INF2: variants seen among roughly 807,000 people sequenced by gnomAD.
INF2 encodes inverted formin 2.
A neutral mutation model predicts 123.5 loss-of-function variants in INF2; 43 were observed. The ratio of observed to expected loss-of-function variants is 0.35; its 90% CI spans 0.27 to 0.45. INF2 has a LOEUF of 0.45. INF2 is among the 20% of genes least tolerant of loss of function. The pLI is 1.00. For missense variants in INF2, 1,453 were observed against 1,682.7 expected (o/e 0.86, Z 2.39); for synonymous variants, 851 against 745.0 (o/e 1.14, Z -2.32).
At chr14:104,683,946 T>C (rs1027415988) in intron 1 of INF2, 6 of 430,206 alleles carry the variant, frequency 1.4e-5, no homozygotes, top group African/African-American at 8.1e-5. Context: ...CGGGTGGGTC[T>C]CAGGCACTTC....
intron 22 of INF2, among the ~76,000 whole-genome samples, chr14:104,717,304 C>CCG (rs1335068736): frequency 7.5e-6 from 1 of 133,692 alleles, no homozygotes; most frequent in East Asian, 2.1e-4. Flanking sequence ...GTCCCCCCCC[C>CCG]GGGCAGGGCG....
intron 12 of INF2, 110 bp downstream of exon 12, chr14:104,709,815 C>T (rs1889959738): frequency 4.1e-6 from 4 of 975,688 alleles, no homozygotes; most frequent in South Asian, 4.0e-5. Context: ...CAATGGCTGC[C>T]CCGGGCTCCA....
chr14:104,717,868 G>A (rs1890386268), intron 22 of INF2, among the ~76,000 whole-genome samples: 1 of 151,580 alleles, frequency 6.6e-6, no homozygotes, highest in South Asian at 2.1e-4. Flanking sequence ...CCCCTCGTCC[G>A]AGCGTTCCCC....
intron 5 of INF2, chr14:104,704,170 A>T: frequency 6.9e-7 from 1 of 1,439,482 alleles, no homozygotes; most frequent in Non-Finnish European, 9.1e-7. Context: ...GGGTTGCAGC[A>T]GCCATAGAAA....
chr14:104,700,950 G>A lies in INF2; in HGVS notation c.-9-407G>A, dbSNP rs527949531. 5.0e-5 allele frequency: 39 copies of A among 776,778 alleles called. 1 individual carries two copies. In the South Asian group the frequency reaches 2.1e-3, roughly 43 times the overall value. The allele number at this position is 776,778 out of a possible 1,614,324, so 48.1% of individuals were successfully genotyped here. On this transcript the variant is annotated intron_variant, in intron 1 of 22. Transcript: ENST00000392634. ...AAGGCAGCCTCAGATGCGCCGTTTT[G>A]TCGCATCATTACCGTGGGTAATGTT... is the stretch of plus-strand genomic sequence containing the variant.
chr14:104,716,706 T>C (rs1566787701), intron 22 of INF2, among the ~76,000 whole-genome samples: 1 of 152,206 alleles, frequency 6.6e-6, no homozygotes, highest in African/African-American at 2.4e-5. Context: ...TTTATTTTTT[T>C]TCAAGACGGA....
chr14:104,710,278 TATC>T (rs763272657), intron 13 of INF2, 90 bp downstream of exon 13: 2 of 889,430 alleles, frequency 2.2e-6, no homozygotes, highest in Non-Finnish European at 3.5e-6. Flanking sequence ...CTACTGCCAG[TATC>T]ATAATGGCTG....
chr14:104,682,690 A>G (rs935333255), intron 1 of INF2, among the ~76,000 whole-genome samples: 2 of 152,136 alleles, frequency 1.3e-5, no homozygotes, highest in Admixed American at 6.5e-5. Flanking sequence ...TAGCAGTGAA[A>G]CTAGGAGGTT....
intron 13 of INF2, 120 bp from the exon 14 acceptor site, chr14:104,710,817 C>T: frequency 2.4e-6 from 2 of 837,364 alleles, no homozygotes; most frequent in Non-Finnish European, 3.8e-6. Context: ...CGGTGCTGGG[C>T]TGAGCCTGGG....
At chr14:104,716,291 G>A (rs1171623197) in intron 22 of INF2, among the ~76,000 whole-genome samples, 1 of 152,242 alleles carries the variant, frequency 6.6e-6, no homozygotes, top group African/African-American at 2.4e-5. Context: ...AAGAGCAGTC[G>A]TGACCCCGGA....
chr14:104,704,973 G>A (rs1449210067), intron 5 of INF2, among the ~76,000 whole-genome samples: 2 of 152,200 alleles, frequency 1.3e-5, no homozygotes, highest in Non-Finnish European at 2.9e-5. Flanking sequence ...GTACTCTGTA[G>A]TTTCATTTGC....
chr14:104,690,474 G>A (rs1229367744), intron 1 of INF2: 1 of 152,624 alleles, frequency 6.6e-6, no homozygotes, highest in Non-Finnish European at 1.5e-5. Context: ...GGCCTTCTGG[G>A]GCTCAAGCTC....
At chr14:104,702,438 A>G (rs7160273) in intron 2 of INF2, among the ~76,000 whole-genome samples, 25,973 of 148,162 alleles carry the variant, frequency 0.18, 2,553 homozygotes, top group Non-Finnish European at 0.22. Context: ...GGCTGTGCCC[A>G]AAGTTAGTCC....
intron 1 of INF2, chr14:104,700,795 G>A (rs1486363729): frequency 1.0e-6 from 1 of 977,430 alleles, no homozygotes; most frequent in African/African-American, 1.8e-5. Context: ...GAGGCCCAGG[G>A]GAGACCTGGG....
At chr14:104,709,733 G>T (rs200446612) in intron 12 of INF2, 28 bp downstream of exon 12, 14 of 1,595,814 alleles carry the variant, frequency 8.8e-6, no homozygotes, top group East Asian at 6.7e-5. Flanking sequence ...CAGACCCCAG[G>T]GCCTGGGCCC....
rs4983531 is a variant in INF2 at position 104,711,752 on chromosome 14, T to C, written c.2489+53T>C. 0.57 allele frequency: 878,254 copies of C among 1,552,480 alleles called. 252,344 individuals carry two copies. Among genetic ancestry groups the C allele is most frequent in the East Asian group, 0.91 (39,568 of 43,614 alleles). ...CTCAGCCAGGTGGGGGCCTGACTTC[T>C]GTCCCCAGGCAGTGAGGTGGCTGCC... On this transcript the variant is annotated intron_variant, in intron 16 of 22. Transcript: ENST00000392634.
At chr14:104,708,986 C>T (rs1006814833) in intron 10 of INF2, among the ~76,000 whole-genome samples, 1 of 152,234 alleles carries the variant, frequency 6.6e-6, no homozygotes, top group Non-Finnish European at 1.5e-5. Flanking sequence ...GGCCCTGACT[C>T]TCAGCCCCCG....
chr14:104,695,317 C>T (rs1889132954), intron 1 of INF2, among the ~76,000 whole-genome samples: 1 of 152,160 alleles, frequency 6.6e-6, no homozygotes, highest in Non-Finnish European at 1.5e-5. Flanking sequence ...CGCTCGTCCC[C>T]CCATGCCTCT....
chr14:104,717,914 C>T lies in INF2; in HGVS notation c.*2-881C>T, dbSNP rs534095678. On this transcript the variant is annotated intron_variant, in intron 22 of 22. Transcript: ENST00000392634. ...CTTTTTCCATCACGTGAGTTTTGAA[C>T]GTGCAGTAATCCTTCACTGCCACTG... 3.0e-4 allele frequency among the ~76,000 whole-genome samples: 45 copies of T among 152,272 alleles called. No homozygotes were observed. The South Asian group carries it at 8.7e-3, about 29-fold the overall frequency.
Sources: gnomAD v4.1 joint callset for allele counts (sites outside exome capture counted in the v4.1 genomes callset) on GRCh38, gnomAD v4.1.1 for gene constraint, MANE v1.5 for transcripts, NCBI Gene and HGNC (gene_info 2026-07-23, HGNC 2026-07-21) for gene names.